RAI14: variants seen among roughly 807,000 people sequenced by gnomAD.
RAI14 encodes the protein ankycorbin.
In RAI14, 45 loss-of-function variants were observed where a neutral mutation model predicts 115.4. The ratio of observed to expected loss-of-function variants is 0.39; its 90% confidence interval spans 0.31 to 0.50. The LOEUF (loss-of-function observed/expected upper bound fraction) is 0.50, where lower values mean the gene tolerates loss of function less well. Ranked by LOEUF, RAI14 falls within the 20% of genes least tolerant of loss-of-function variation. The pLI, the probability that RAI14 is intolerant of heterozygous loss-of-function variation, is 0.85. For synonymous variants in RAI14, 371 were observed against 415.4 expected (o/e 0.89, Z 1.30); for missense variants, 939 against 1,131.2 (o/e 0.83, Z 2.44).
intron 1 of RAI14, among the ~76,000 whole-genome samples, chr5:34,662,688 G>A (rs1411228995): frequency 7.1e-6 from 1 of 140,066 alleles, no homozygotes; most frequent in African/African-American, 2.6e-5. Context: ...AGAATTATAT[G>A]ATTATTAGTA....
chr5:34,809,181 G>A (rs937814679), intron 7 of RAI14, among the ~76,000 whole-genome samples: 40 of 152,154 alleles, frequency 2.6e-4, no homozygotes, highest in African/African-American at 9.2e-4. Context: ...GGCGTTTGGG[G>A]ATACAGCATT....
At chr5:34,798,066 T>C (rs1580295337) in intron 4 of RAI14, among the ~76,000 whole-genome samples, 1 of 152,284 alleles carries the variant, frequency 6.6e-6, no homozygotes, top group East Asian at 1.9e-4. Context: ...GACGGAGTCT[T>C]GCTCTGTTGC....
At chr5:34,677,161 A>ATTT (rs747450748) in intron 1 of RAI14, among the ~76,000 whole-genome samples, 7 of 83,150 alleles carry the variant, frequency 8.4e-5, no homozygotes, top group African/African-American at 1.5e-4. Context: ...TGACATTTCT[A>ATTT]TTTTTTTTTT....
At chr5:34,664,869 C>T (rs1213460937) in intron 1 of RAI14, among the ~76,000 whole-genome samples, 1 of 150,090 alleles carries the variant, frequency 6.7e-6, no homozygotes, top group Non-Finnish European at 1.5e-5. Flanking sequence ...TAGGAATGTA[C>T]GATGTTTGGC....
intron 3 of RAI14, among the ~76,000 whole-genome samples, chr5:34,767,591 G>GCCCCCCCCCCCCCC (rs1561334151): frequency 3.9e-4 from 46 of 116,828 alleles, no homozygotes; most frequent in Middle Eastern, 4.3e-3. Context: ...CACCGCCACC[G>GCCCCCCCCCCCCCC]CCCCCACCAC....
intron 2 of RAI14, among the ~76,000 whole-genome samples, chr5:34,745,687 T>C (rs74492524): frequency 1.3e-5 from 2 of 152,276 alleles, no homozygotes; most frequent in Admixed American, 6.5e-5. Flanking sequence ...CAGTGAAAAA[T>C]CATGTGACCT....
chr5:34,822,844 C>T (rs977550007), intron 14 of RAI14, 112 bp from the exon 15 acceptor site: 33 of 965,302 alleles, frequency 3.4e-5, no homozygotes, highest in African/African-American at 6.6e-5. Context: ...CCACCACGCC[C>T]GGCTAATTTT....
chr5:34,772,707 C>G (rs1750328918), intron 3 of RAI14, among the ~76,000 whole-genome samples: 1 of 152,172 alleles, frequency 6.6e-6, no homozygotes, highest in African/African-American at 2.4e-5. Context: ...CTGGCATGCT[C>G]CCTATTGTGC....
intron 2 of RAI14, among the ~76,000 whole-genome samples, chr5:34,722,224 G>A (rs756233913): frequency 1.3e-5 from 2 of 149,510 alleles, no homozygotes; most frequent in Non-Finnish European, 3.0e-5. Context: ...TGGACATAAA[G>A]TTAACATGAG....
In RAI14 at chr5:34,829,740, G is replaced by T. The variant is rs369603950; in HGVS notation, c.2808G>T (p.Lys936Asn). 5.3e-5 allele frequency: 85 copies of T among 1,610,640 alleles called. 1 individual carries two copies. In the East Asian group the frequency reaches 1.7e-3, roughly 32 times the overall value. The change falls in exon 17 of 18, where the codon AAG becomes AAT. Residue 936 changes from lysine to asparagine, a missense_variant. Coordinates refer to ENST00000265109, the MANE Select transcript of RAI14 (RefSeq NM_015577.3). The stretch of plus-strand genomic sequence containing the variant: ...AAATATTCCCTTTCTAGGAATGCAA[G>T]AAACAACACCAGGAGGTCATATCAG... Reference protein sequence around the residue: ...KQLQNQLAECKKQHQEVISVY... With the variant: ...KQLQNQLAECNKQHQEVISVY...
intron 6 of RAI14, 62 bp downstream of exon 6, chr5:34,807,919 T>G: frequency 7.6e-7 from 1 of 1,323,952 alleles, no homozygotes; most frequent in Non-Finnish European, 1.1e-6. Context: ...TTCTTTTTCC[T>G]TATTCAGGCC....
rs2271522 is a variant in RAI14, at chr5:34,811,032, T to G, written c.471T>G (p.Leu157=). Residue 157 remains leucine, a synonymous_variant, in exon 8 of 18, where the codon CTT becomes CTG. Coordinates refer to ENST00000265109, the MANE Select transcript of RAI14 (RefSeq NM_015577.3). ...LKDLDGNIPL[L]LAVQNGHSEI... ...CCTAGGATGGGAATATACCGCTGCTTCTTGCTGTACAAAATGGTCACAGTG... is the reference window on the plus strand; with the variant it reads ...CCTAGGATGGGAATATACCGCTGCTGCTTGCTGTACAAAATGGTCACAGTG... 0.35 allele frequency: 565,620 copies of G among 1,613,528 alleles called. 102,891 individuals carry two copies. Among genetic ancestry groups the G allele is most frequent in the Admixed American group, 0.48 (29,039 of 59,916 alleles).
chr5:34,763,137 T>TGGG (rs1748902131), intron 3 of RAI14, among the ~76,000 whole-genome samples: 1 of 152,210 alleles, frequency 6.6e-6, no homozygotes, highest in South Asian at 2.1e-4. Context: ...AATAAGGGCT[T>TGGG]CTCTGGCTGG....
chr5:34,773,968 T>C lies in RAI14; in HGVS notation c.167+16370T>C, dbSNP rs147645950. The stretch of plus-strand genomic sequence containing the variant: ...ACAAGAGAAAGAAACAGCATCCAAA[T>C]TGGAAAGGAAAAAGCCAAGTTATTC... On this transcript the variant is annotated intron_variant, in intron 3 of 17. Coordinates refer to ENST00000265109, the MANE Select transcript of RAI14 (RefSeq NM_015577.3). Among the ~76,000 whole-genome samples the C allele has an allele frequency of 1.6e-3, 238 of 152,172 alleles. 1 individual carries two copies. Among genetic ancestry groups the C allele is most frequent in the African/African-American group, 5.4e-3 (224 of 41,522 alleles).
At chr5:34,808,563 T>C in intron 6 of RAI14, 21 bp from the exon 7 acceptor site, 5 of 1,611,048 alleles carry the variant, frequency 3.1e-6, no homozygotes, top group Non-Finnish European at 4.2e-6. Flanking sequence ...GGCTGTGGTA[T>C]TTATATTTTC....
Position 34,823,151 on chromosome 5 carries a change from A to C in RAI14, c.1309A>C (p.Ile437Leu), listed in dbSNP as rs1294441488. The C allele has an allele frequency of 9.3e-6, 15 of 1,612,970 alleles. No individual in the cohort carries two copies. The highest frequency in any genetic ancestry group is 1.3e-5 in the Non-Finnish European group (15 of 1,179,098). Residue 437 changes from isoleucine (I) to leucine (L), a missense_variant, in exon 15 of 18, where the codon ATT becomes CTT. Ile to Leu is a conservative substitution (Grantham distance 5, BLOSUM62 2). Transcript: ENST00000265109. This position sits in a 1 kb window ranked among gnomAD's most constrained non-coding sequence, Gnocchi z 4.5. ...NDVRIQQLQE[I>L]LQDLQKRLES... ...TGTCAGAATTCAGCAACTGCAAGAGATTTTGCAAGATCTACAGAAGAGATT... is the reference window on the plus strand; with the variant it reads ...TGTCAGAATTCAGCAACTGCAAGAGCTTTTGCAAGATCTACAGAAGAGATT...
At chr5:34,731,880 C>G (rs988745349) in intron 2 of RAI14, among the ~76,000 whole-genome samples, 3 of 152,190 alleles carry the variant, frequency 2.0e-5, no homozygotes, top group Non-Finnish European at 4.4e-5. Context: ...ATGACCTGAC[C>G]TTCCAGGAGT....
intron 2 of RAI14, among the ~76,000 whole-genome samples, chr5:34,706,451 C>T (rs1740705771): frequency 6.6e-6 from 1 of 152,068 alleles, no homozygotes; most frequent in Non-Finnish European, 1.5e-5. Context: ...ATGGTTTTTC[C>T]CATATTTTGA....
chr5:34,769,751 A>G (rs1210026963), intron 3 of RAI14, among the ~76,000 whole-genome samples: 1 of 152,150 alleles, frequency 6.6e-6, no homozygotes, highest in Admixed American at 6.5e-5. Flanking sequence ...TTTTTAAGAC[A>G]GACTCACTCG....
Sources: gnomAD v4.1 joint callset for allele counts (sites outside exome capture counted in the v4.1 genomes callset) on GRCh38, gnomAD v4.1.1 for gene constraint, Gnocchi (gnomAD v3.1) non-coding constraint, MANE v1.5 for transcripts, NCBI Gene and HGNC (gene_info 2026-07-23, HGNC 2026-07-21) for gene names.